The following BNIP2 variants were observed in gnomAD, a reference collection of about 807,000 sequenced individuals.
BNIP2 encodes BCL2 interacting protein 2.
A neutral mutation model predicts 43.4 loss-of-function variants in BNIP2; 36 were observed. The observed-to-expected ratio is 0.83, with a 90% CI of 0.64 to 1.10. BNIP2 has a LOEUF of 1.10. Among genes scored for constraint, BNIP2 ranks in the 50% least tolerant of loss-of-function variants. The probability of loss-of-function intolerance (pLI) is 0.00; values close to 1 mark genes in which losing one functional copy is unlikely to be tolerated. For synonymous variants in BNIP2, 146 were observed against 121.0 expected (o/e 1.21, Z -1.35); for missense variants, 417 against 374.1 (o/e 1.11, Z -0.95).
In BNIP2 at chr15:59,679,775, T is replaced by A; in HGVS notation, c.119-7A>T. On this transcript the variant is annotated splice_region_variant and splice_polypyrimidine_tract_variant and intron_variant, in intron 3 of 9. Coordinates refer to ENST00000607373, the MANE Select transcript of BNIP2 (RefSeq NM_004330.4). Reference sequence around the variant, plus strand: ...CCATTAACTTCTAGTGAGCCTGGAATTGGAAAATAAAGAAAAAGATACGTA... The same window carrying A: ...CCATTAACTTCTAGTGAGCCTGGAAATGGAAAATAAAGAAAAAGATACGTA... The A allele has an allele frequency of 6.8e-7, 1 of 1,465,574 alleles. No homozygotes were observed. The highest frequency in any genetic ancestry group is 1.5e-5 in the South Asian group (1 of 67,294). The allele number at this position is 1,465,574 out of a possible 1,614,324, so 90.8% of individuals were successfully genotyped here.
intron 9 of BNIP2, 113 bp downstream of exon 9, chr15:59,668,779 C>A (rs537754451): frequency 6.6e-6 from 6 of 912,398 alleles, no homozygotes; most frequent in Middle Eastern, 2.8e-4. Context: ...CACACGCGCG[C>A]GCGCGCACAG....
chr15:59,681,215 T>C (rs757814643), intron 2 of BNIP2, among the ~76,000 whole-genome samples: 12 of 152,170 alleles, frequency 7.9e-5, no homozygotes, highest in East Asian at 1.9e-4. Context: ...TGCTAAGCTA[T>C]CCAACTGCTA....
At chr15:59,666,202 C>G (rs530285949) in intron 9 of BNIP2, among the ~76,000 whole-genome samples, 1 of 152,176 alleles carries the variant, frequency 6.6e-6, no homozygotes, top group South Asian at 2.1e-4. Context: ...GTCAACATTT[C>G]TTCAACCCTC....
intron 9 of BNIP2, 98 bp downstream of exon 9, chr15:59,668,793 TA>T: frequency 1.8e-6 from 2 of 1,113,710 alleles, no homozygotes; most frequent in African/African-American, 1.6e-5. Context: ...CGCACAGTTA[TA>T]AAATATAATA....
At position 59,670,934 on chromosome 15, in the gene BNIP2, G is replaced by A. The variant is rs774453427; in HGVS notation, c.707+249C>T. Among the ~76,000 whole-genome samples the A allele has an allele frequency of 4.6e-5, 7 of 152,186 alleles. 1 individual carries two copies. Among genetic ancestry groups the A allele is most frequent in the Non-Finnish European group, 1.0e-4 (7 of 68,012 alleles). Reference sequence around the variant, plus strand: ...ACAAAAAATACAACATTAGCTGGGCGTGGTGGCGCATGCCTGTAATCCCAG... The same window carrying A: ...ACAAAAAATACAACATTAGCTGGGCATGGTGGCGCATGCCTGTAATCCCAG... On this transcript the variant is annotated intron_variant, in intron 7 of 9. Transcript: ENST00000607373.
At chr15:59,686,163 A>G (rs1218995041) in intron 1 of BNIP2, among the ~76,000 whole-genome samples, 1 of 152,218 alleles carries the variant, frequency 6.6e-6, no homozygotes, top group Non-Finnish European at 1.5e-5. Context: ...TCCTTCTGAC[A>G]TAGCTTCAAG....
intron 4 of BNIP2, chr15:59,678,701 T>G: frequency 3.3e-6 from 4 of 1,219,198 alleles, no homozygotes; most frequent in Non-Finnish European, 4.2e-6. Context: ...TTTAGCTGAT[T>G]TTCAATGTAG....
intron 5 of BNIP2, chr15:59,677,340 C>G (rs1163076094): frequency 6.4e-7 from 1 of 1,554,782 alleles, no homozygotes; most frequent in African/African-American, 1.4e-5. Flanking sequence ...GTTCAGAAGG[C>G]CAGCATCGTC....
intron 6 of BNIP2, 38 bp downstream of exon 6, chr15:59,672,599 C>A (rs4774342): frequency 1.4e-6 from 2 of 1,469,784 alleles, no homozygotes; most frequent in Non-Finnish European, 1.9e-6. Flanking sequence ...AATTAGCTCA[C>A]AATTCTGTCC....
chr15:59,664,008 T>C lies in BNIP2; in HGVS notation c.*61A>G, dbSNP rs1892415438. The C allele has an allele frequency of 1.6e-6, 2 of 1,286,042 alleles. No homozygotes were observed. The highest frequency in any genetic ancestry group is 1.5e-5 in the African/African-American group (1 of 65,410). 79.7% of individuals were successfully genotyped at this position (1,286,042 alleles called of 1,614,324 possible). On this transcript the variant is annotated 3_prime_UTR_variant, in exon 10 of 10. Coordinates refer to ENST00000607373, the MANE Select transcript of BNIP2 (RefSeq NM_004330.4). ...TATGGGCCAATAAATGCATTATGAA[T>C]GCAGAAACAGCACTGCTCCATCAGC...
chr15:59,679,465 T>C, intron 4 of BNIP2, 127 bp downstream of exon 4: 3 of 1,117,310 alleles, frequency 2.7e-6, no homozygotes, highest in Non-Finnish European at 3.7e-6. Context: ...TCCTTGAGAA[T>C]ATTCAAGGGT....
Position 59,668,960 on chromosome 15 carries a change from C to T in BNIP2, c.825G>A (p.Val275=). ...SSKFSQKIRY[V]FNLAELAELV... is the part of the protein sequence containing the mutation. ...GTTCTGCTAGTTCTGCCAAATTAAA[C>T]ACGTATCTAATTTTTTGGCTGAATT... is the stretch of plus-strand genomic sequence containing the variant. The change falls in exon 9 of 10, where the codon GTG becomes GTA. Residue 275 remains valine (V), a synonymous_variant. Coordinates refer to ENST00000607373, the MANE Select transcript of BNIP2 (RefSeq NM_004330.4). 2 of 1,613,512 alleles carry T rather than the reference C, an allele frequency of 1.2e-6. No individual in the cohort carries two copies. The highest frequency in any genetic ancestry group is 2.2e-5 in the South Asian group (2 of 90,966).
At chr15:59,669,392 C>T in intron 7 of BNIP2, 30 bp from the exon 8 acceptor site, 4 of 1,328,132 alleles carry the variant, frequency 3.0e-6, no homozygotes, top group Non-Finnish European at 4.1e-6. Flanking sequence ...CACACACACA[C>T]AAAGAAAATT....
intron 9 of BNIP2, among the ~76,000 whole-genome samples, chr15:59,668,444 G>T (rs1433024657): frequency 6.6e-6 from 1 of 152,138 alleles, no homozygotes; most frequent in Non-Finnish European, 1.5e-5. Context: ...AATCAGAACA[G>T]AATTTCAGTC....
In BNIP2 at chr15:59,677,980, T is replaced by A. The variant is rs916601866; in HGVS notation, c.403A>T (p.Ile135Phe). ...EDGRRWRMFR[I>F]GEQDHRVDMK... is the part of the protein sequence containing the mutation. ...TCAACCCTGTGGTCCTGTTCTCCAA[T>A]CCTGAACATACGCCAGCGTCGTCCA... The change falls in exon 5 of 10, where the codon ATT (isoleucine) becomes TTT (phenylalanine). Residue 135 changes from isoleucine (I) to phenylalanine (F), a missense_variant. Coordinates refer to ENST00000607373, the MANE Select transcript of BNIP2 (RefSeq NM_004330.4). The A allele has an allele frequency of 4.3e-6, 7 of 1,613,896 alleles. No homozygotes were observed. In the African/African-American group the frequency reaches 9.3e-5, roughly 22 times the overall value.
chr15:59,689,010 G>C, intron 1 of BNIP2, 125 bp downstream of exon 1: 2 of 1,446,032 alleles, frequency 1.4e-6, no homozygotes, highest in Non-Finnish European at 1.8e-6. Context: ...CCCCTACCAA[G>C]GGTAACTCTC....
chr15:59,682,620 G>A (rs1444940945), intron 1 of BNIP2, 106 bp from the exon 2 acceptor site: 1 of 823,264 alleles, frequency 1.2e-6, no homozygotes, highest in Non-Finnish European at 1.8e-6. Context: ...TTAGTACAAT[G>A]GTCTGGTCAT....
intron 5 of BNIP2, among the ~76,000 whole-genome samples, chr15:59,675,484 C>T (rs1287609292): frequency 2.0e-5 from 3 of 151,816 alleles, no homozygotes; most frequent in Non-Finnish European, 4.4e-5. Context: ...GTGGCGTGCA[C>T]CTGTAATCCC....
chr15:59,686,318 G>T (rs186936838), intron 1 of BNIP2, among the ~76,000 whole-genome samples: 2 of 152,316 alleles, frequency 1.3e-5, no homozygotes, highest in Admixed American at 1.3e-4. Flanking sequence ...TGGAGGACAA[G>T]GTGGGAAGAT....
Sources: gnomAD v4.1 joint callset for allele counts (sites outside exome capture counted in the v4.1 genomes callset) on GRCh38, gnomAD v4.1.1 for gene constraint, MANE v1.5 for transcripts, NCBI Gene and HGNC (gene_info 2026-07-23, HGNC 2026-07-21) for gene names.